Variants in SLC16A4 observed in about 807,000 individuals in gnomAD.
SLC16A4 encodes the protein probable monocarboxylate transporter 5.
A neutral mutation model predicts 47.9 loss-of-function variants in SLC16A4; 39 were observed. The ratio of observed to expected loss-of-function variants is 0.81; its 90% CI spans 0.63 to 1.06. The LOEUF (loss-of-function observed/expected upper bound fraction) is 1.06. Among genes scored for constraint, SLC16A4 ranks in the 50% least tolerant of loss-of-function variants. SLC16A4 has a pLI of 0.00. For missense variants in SLC16A4, 524 were observed against 573.8 expected (o/e 0.91, Z 0.89); for synonymous variants, 189 against 199.9 (o/e 0.95, Z 0.46).
intron 6 of SLC16A4, among the ~76,000 whole-genome samples, chr1:110,377,922 C>T (rs535797808): frequency 5.4e-4 from 82 of 152,272 alleles, no homozygotes; most frequent in East Asian, 1.7e-3. Flanking sequence ...CTCCGCCTCC[C>T]GGGTTCATGC....
In SLC16A4 at chr1:110,381,121, G is replaced by A. The variant is rs530125566; in HGVS notation, c.387C>T (p.Tyr129=). The A allele has an allele frequency of 2.0e-5, 33 of 1,614,048 alleles. No homozygotes were observed. The highest frequency in any genetic ancestry group is 2.4e-5 in the Non-Finnish European group (28 of 1,179,976). ...LLPGLGSAFL[Y]QVAAVVTTKY... ...TGGTAGTTACCACAGCAGCCACTTG[G>A]TATAAGAAAGCAGAACCCAAACCTA... The change falls in exon 5 of 9, where the codon TAC becomes TAT. Residue 129 remains tyrosine, a synonymous_variant. Transcript: ENST00000369779.
rs1396923162 is a variant in SLC16A4, at chr1:110,379,489, A to G, written c.527-133T>C. ...AAAACATTACTTTGTCTCCGATTTG[A>G]CTTATTAGTCATATACACTGCTGTA... On this transcript the variant is annotated intron_variant, in intron 5 of 8. Transcript: ENST00000369779. The G allele has an allele frequency of 6.1e-6, 5 of 817,258 alleles. No individual in the cohort carries two copies. In the Admixed American group the frequency reaches 1.4e-4, roughly 24 times the overall value. 50.6% of individuals were successfully genotyped at this position (817,258 alleles called of 1,614,324 possible).
At chr1:110,373,209 T>G (rs1261649246) in intron 8 of SLC16A4, among the ~76,000 whole-genome samples, 1 of 152,220 alleles carries the variant, frequency 6.6e-6, no homozygotes, top group Admixed American at 6.5e-5. Flanking sequence ...ATTAAACATG[T>G]TATAGTTTTG....
At chr1:110,373,350 G>A in intron 8 of SLC16A4, among the ~76,000 whole-genome samples, 1 of 152,010 alleles carries the variant, frequency 6.6e-6, no homozygotes, top group African/African-American at 2.4e-5. Flanking sequence ...GATCAAGATT[G>A]AAAAAAATGC....
rs1662179908 is a variant in SLC16A4 at position 110,378,907 on chromosome 1, C to T, written c.976G>A (p.Ala326Thr). ...FIPTFHLVAR[A>T]KTLGIDIMDA... ...ATGATGTCAATCCCCAGTGTTTTGG[C>T]TCTGGCTACCAGGTGAAAGGTAGGG... is the stretch of plus-strand genomic sequence containing the variant. Residue 326 changes from alanine (A) to threonine (T), a missense_variant, in exon 6 of 9, where the codon GCC becomes ACC. Ala to Thr is a moderately conservative substitution (Grantham distance 58). Transcript: ENST00000369779. The T allele has an allele frequency of 1.2e-6, 2 of 1,614,096 alleles. No homozygotes were observed. Among genetic ancestry groups the T allele is most frequent in the Non-Finnish European group, 8.5e-7 (1 of 1,179,996 alleles).
At chr1:110,378,412 T>C (rs541801280) in intron 6 of SLC16A4, among the ~76,000 whole-genome samples, 1 of 152,346 alleles carries the variant, frequency 6.6e-6, no homozygotes, top group South Asian at 2.1e-4. Context: ...AGTAACTTGC[T>C]GAAGTTCCCA....
chr1:110,383,822 T>TGG (rs1570653646), intron 2 of SLC16A4, among the ~76,000 whole-genome samples: 2 of 146,436 alleles, frequency 1.4e-5, no homozygotes, highest in Non-Finnish European at 3.0e-5. Flanking sequence ...TTTTTTTTTT[T>TGG]TTTTTTTTTT....
chr1:110,382,362 A>G (rs938827691), intron 3 of SLC16A4, among the ~76,000 whole-genome samples: 10 of 152,048 alleles, frequency 6.6e-5, no homozygotes, highest in Non-Finnish European at 1.2e-4. Flanking sequence ...GGGAGGCTGA[A>G]GCAGGAGAGT....
intron 7 of SLC16A4, among the ~76,000 whole-genome samples, chr1:110,376,211 T>A (rs1661990670): frequency 6.6e-6 from 1 of 152,180 alleles, no homozygotes; most frequent in Non-Finnish European, 1.5e-5. Context: ...TAAGGCTAAG[T>A]ATCAACCATT....
intron 7 of SLC16A4, 143 bp downstream of exon 7, chr1:110,376,807 G>A (rs1402160806): frequency 1.9e-5 from 13 of 673,534 alleles, no homozygotes; most frequent in Non-Finnish European, 3.2e-5. Flanking sequence ...TAACTGGACA[G>A]GATATAGCTG....
intron 8 of SLC16A4, among the ~76,000 whole-genome samples, chr1:110,373,916 A>G (rs1033631117): frequency 2.0e-5 from 3 of 149,000 alleles, no homozygotes; most frequent in East Asian, 2.0e-4. Context: ...GACTCACACA[A>G]TCCTCCCACC....
intron 5 of SLC16A4, among the ~76,000 whole-genome samples, 182 bp downstream of exon 5, chr1:110,380,800 T>G (rs1277495881): frequency 6.6e-6 from 1 of 152,228 alleles, no homozygotes; most frequent in African/African-American, 2.4e-5. Flanking sequence ...TCAAGATCTC[T>G]TTTGCGTATG....
At chr1:110,380,835 T>A in intron 5 of SLC16A4, 147 bp downstream of exon 5, 1 of 707,100 alleles carries the variant, frequency 1.4e-6, no homozygotes, top group Non-Finnish European at 2.4e-6. Context: ...GAGAAGCATG[T>A]TTACTTTAGA....
At chr1:110,375,948 T>A (rs2101021086) in intron 7 of SLC16A4, among the ~76,000 whole-genome samples, 1 of 152,254 alleles carries the variant, frequency 6.6e-6, no homozygotes, top group Non-Finnish European at 1.5e-5. Context: ...GGTGTGATCT[T>A]GGCTCACTGC....
intron 8 of SLC16A4, among the ~76,000 whole-genome samples, chr1:110,364,583 T>C (rs1215925793): frequency 6.7e-6 from 1 of 150,354 alleles, no homozygotes; most frequent in Non-Finnish European, 1.5e-5. Context: ...TCTGCTTTGC[T>C]TACTGCAACC....
chr1:110,384,761 A>C (rs1172601196), intron 2 of SLC16A4, among the ~76,000 whole-genome samples: 3 of 152,184 alleles, frequency 2.0e-5, no homozygotes, highest in Admixed American at 1.3e-4. Flanking sequence ...CTATAATCCT[A>C]GTACTTTGGG....
chr1:110,391,011 C>G lies in SLC16A4; in HGVS notation c.-179G>C, dbSNP rs1033345813. On this transcript the variant is annotated 5_prime_UTR_variant, in exon 1 of 9. Transcript: ENST00000369779. Reference sequence around the variant, plus strand: ...GAAAACAAGTGAGCATTGTAAGAGCCAAGGAGGGCTCAGACGATTTAGGCC... The same window carrying G: ...GAAAACAAGTGAGCATTGTAAGAGCGAAGGAGGGCTCAGACGATTTAGGCC... 2 of 152,178 alleles carry G rather than the reference C, an allele frequency of 1.3e-5. No individual in the cohort carries two copies. The highest frequency in any genetic ancestry group is 4.8e-5 in the African/African-American group (2 of 41,452). 9.4% of individuals were successfully genotyped at this position (152,178 alleles called of 1,614,324 possible).
rs1385791821 is a variant in SLC16A4 at position 110,378,981 on chromosome 1, A to G, written c.902T>C (p.Phe301Ser). 6 of 1,614,082 alleles carry G rather than the reference A, an allele frequency of 3.7e-6. No homozygotes were observed. Among genetic ancestry groups the G allele is most frequent in the Non-Finnish European group, 4.2e-6 (5 of 1,180,048 alleles). The stretch of plus-strand genomic sequence containing the variant: ...GAGAAAAGACCAAGTAAATATGTAG[A>G]AGAAAGGATTTCTAAAGAGAGAAAT... ...FDISLFRNPFFYIFTWSFLLS... is the reference protein window; with the variant it reads ...FDISLFRNPFSYIFTWSFLLS... The change falls in exon 6 of 9, where the codon TTC (phenylalanine) becomes TCC (serine). Residue 301 changes from phenylalanine (F) to serine (S), a missense_variant. Physicochemically the swap from Phe to Ser is radical, Grantham distance 155. Transcript: ENST00000369779.
rs143424709 is a variant in SLC16A4, at chr1:110,366,641, G to A, written c.1337-2748C>T. 1.7e-3 allele frequency among the ~76,000 whole-genome samples: 259 copies of A among 152,274 alleles called. 1 individual carries two copies. The highest frequency in any genetic ancestry group is 6.0e-3 in the African/African-American group (250 of 41,552). ...ACTCAGCACAGTAACATGCTGTATA[G>A]ATTTGTAGCCTAGGAGCAATAGGCT... On this transcript the variant is annotated intron_variant, in intron 8 of 8. Transcript: ENST00000369779.
Sources: allele counts gnomAD v4.1 joint callset (sites outside exome capture counted in the v4.1 genomes callset), GRCh38; gene constraint gnomAD v4.1.1; transcripts MANE v1.5; gene names NCBI Gene and HGNC (gene_info 2026-07-23, HGNC 2026-07-21).